PKD2L1: variants seen among roughly 807,000 people sequenced by gnomAD.
PKD2L1 encodes the protein polycystin-2-like protein 1.
In PKD2L1, 77 loss-of-function variants were observed where a neutral mutation model predicts 93.0. The ratio of observed to expected loss-of-function variants is 0.83; its 90% CI spans 0.69 to 1.00. PKD2L1 has a LOEUF of 1.00. Among genes scored for constraint, PKD2L1 ranks in the 50% least tolerant of loss-of-function variants. The pLI, the probability that PKD2L1 is intolerant of heterozygous loss-of-function variation, is 0.00. For synonymous variants in PKD2L1, 390 were observed against 388.0 expected (o/e 1.01, Z -0.06); for missense variants, 977 against 990.9 (o/e 0.99, Z 0.19).
At position 100,318,831 on chromosome 10, in the gene PKD2L1, C is replaced by A. The variant is rs1161813406; in HGVS notation, c.349+10380G>T. On this transcript the variant is annotated intron_variant, in intron 2 of 15. Transcript: ENST00000318222. ...ACCGCACCCAGCCTGTTTTTCTTTTCTTTTTTTCTCTCTCTCTATCTTTTT... is the reference window on the plus strand; with the variant it reads ...ACCGCACCCAGCCTGTTTTTCTTTTATTTTTTTCTCTCTCTCTATCTTTTT... 2.8e-5 allele frequency among the ~76,000 whole-genome samples: 4 copies of A among 140,996 alleles called. No individual in the cohort carries two copies. In the South Asian group the frequency reaches 6.9e-4, roughly 24 times the overall value. The allele number at this position is 140,996 out of a possible 152,430, so 92.5% of individuals were successfully genotyped here.
intron 2 of PKD2L1, among the ~76,000 whole-genome samples, chr10:100,302,332 T>C (rs550308453): frequency 6.6e-6 from 1 of 152,140 alleles, no homozygotes; most frequent in African/African-American, 2.4e-5. Context: ...CTATGGGTTA[T>C]AATTTATTAT....
At chr10:100,325,174 A>G (rs1045854807) in intron 2 of PKD2L1, among the ~76,000 whole-genome samples, 2 of 152,220 alleles carry the variant, frequency 1.3e-5, no homozygotes, top group Non-Finnish European at 2.9e-5. Flanking sequence ...TTGCTTATGT[A>G]CCGTGACTCT....
chr10:100,328,869 C>T lies in PKD2L1; in HGVS notation c.349+342G>A, dbSNP rs531280511. 2.4e-4 allele frequency among the ~76,000 whole-genome samples: 36 copies of T among 152,260 alleles called. No individual in the cohort carries two copies. In the East Asian group the frequency reaches 5.6e-3, roughly 24 times the overall value. ...CCTCCCAAAGTGCTGGGATTACAGG[C>T]GTGAGCCACCGTGCCAGCCCACTCT... On this transcript the variant is annotated intron_variant, in intron 2 of 15. Transcript: ENST00000318222.
Position 100,293,281 on chromosome 10 carries a change from C to G in PKD2L1, c.1758G>C (p.Gln586His). 1 of 1,605,600 alleles carries G rather than the reference C, an allele frequency of 6.2e-7. No individual in the cohort carries two copies. Among genetic ancestry groups the G allele is most frequent in the Non-Finnish European group, 8.5e-7 (1 of 1,172,174 alleles). Residue 586 changes from glutamine to histidine, a missense_variant and splice_region_variant, in exon 10 of 16, where the codon CAG becomes CAC. By Grantham distance (24) the Gln-to-His change is conservative. Transcript: ENST00000318222. ...DELQLSDLLK[Q>H]GYNKTLLRLR... is the part of the protein sequence containing the mutation. ...TAGCTCAAGGAGATTGAGCAATCAC[C>G]TGTTTCAGGAGGTCAGAAAGTTGCA...
rs182776466 is a variant in PKD2L1, at chr10:100,314,436, G to A, written c.350-14718C>T. On this transcript the variant is annotated intron_variant, in intron 2 of 15. Transcript: ENST00000318222. ...GCCTGGGGAGAGAGAAGAGAGAGAA[G>A]GAAGCAGGCACGGGGACAGCCAGTC... Among the ~76,000 whole-genome samples, 16 of 152,094 alleles carry A rather than the reference G, an allele frequency of 1.1e-4. No individual in the cohort carries two copies. The East Asian group carries it at 1.4e-3, about 13-fold the overall frequency.
intron 2 of PKD2L1, among the ~76,000 whole-genome samples, chr10:100,312,283 G>A (rs1035316057): frequency 2.0e-5 from 3 of 152,196 alleles, no homozygotes; most frequent in African/African-American, 4.8e-5. Flanking sequence ...GCATTATTAA[G>A]CTTTTTAGGG....
At chr10:100,323,052 G>A (rs1849297367) in intron 2 of PKD2L1, among the ~76,000 whole-genome samples, 1 of 152,132 alleles carries the variant, frequency 6.6e-6, no homozygotes, top group African/African-American at 2.4e-5. Context: ...ATTCAATAAA[G>A]GTTTGTTGTT....
chr10:100,327,867 C>T (rs973595671), intron 2 of PKD2L1, among the ~76,000 whole-genome samples: 6 of 152,168 alleles, frequency 3.9e-5, no homozygotes, highest in Non-Finnish European at 5.9e-5. Flanking sequence ...GAATGAGTTC[C>T]GATAGAGCAC....
chr10:100,297,948 T>C (rs1378175411), intron 4 of PKD2L1, among the ~76,000 whole-genome samples: 1 of 152,016 alleles, frequency 6.6e-6, no homozygotes, highest in Non-Finnish European at 1.5e-5. Flanking sequence ...ACTCAAAGAT[T>C]TGGATGACAA....
At chr10:100,305,173 G>A (rs1309956195) in intron 2 of PKD2L1, among the ~76,000 whole-genome samples, 9 of 149,222 alleles carry the variant, frequency 6.0e-5, no homozygotes, top group African/African-American at 1.5e-4. Flanking sequence ...GTGCAGTGGC[G>A]TGATCTCAGC....
At chr10:100,309,428 C>A (rs1294881384) in intron 2 of PKD2L1, among the ~76,000 whole-genome samples, 1 of 152,034 alleles carries the variant, frequency 6.6e-6, no homozygotes, top group African/African-American at 2.4e-5. Context: ...CTGTATGTTT[C>A]CAAGTTATAG....
Position 100,290,055 on chromosome 10 carries a change from A to T in PKD2L1, c.2210T>A (p.Met737Lys). The change falls in exon 14 of 16, where the codon ATG becomes AAG. Residue 737 changes from methionine to lysine, a missense_variant. Coordinates refer to ENST00000318222, the MANE Select transcript of PKD2L1 (RefSeq NM_016112.3). ...AGCCAGCCACCCCTTCCTCTCCAGC[A>T]TTTTCAGCTTTGAGCCTACAGCATC... The part of the protein sequence containing the change: ...QIDAVGSKLK[M>K]LERKGWLAPS... 1 of 1,614,178 alleles carries T rather than the reference A, an allele frequency of 6.2e-7. No individual in the cohort carries two copies. The highest frequency in any genetic ancestry group is 1.3e-5 in the African/African-American group (1 of 75,060).
intron 9 of PKD2L1, among the ~76,000 whole-genome samples, chr10:100,294,045 G>A (rs945807609): frequency 2.0e-5 from 3 of 152,144 alleles, no homozygotes; most frequent in African/African-American, 7.2e-5. Flanking sequence ...CTCGGGAGGT[G>A]GAGGTTGCAG....
intron 2 of PKD2L1, among the ~76,000 whole-genome samples, chr10:100,320,795 A>C (rs1849209633): frequency 6.6e-6 from 1 of 152,250 alleles, no homozygotes; most frequent in South Asian, 2.1e-4. Context: ...AATTGATGTG[A>C]TCTTATAGCA....
At chr10:100,311,352 C>T (rs1397195892) in intron 2 of PKD2L1, among the ~76,000 whole-genome samples, 1 of 152,164 alleles carries the variant, frequency 6.6e-6, no homozygotes, top group African/African-American at 2.4e-5. Flanking sequence ...CTATATTTTA[C>T]TGTATCTGCA....
intron 2 of PKD2L1, among the ~76,000 whole-genome samples, chr10:100,324,419 C>G (rs958191600): frequency 6.6e-6 from 1 of 152,204 alleles, no homozygotes; most frequent in African/African-American, 2.4e-5. Context: ...ATCCTCTGTG[C>G]TTTACCTATT....
intron 2 of PKD2L1, among the ~76,000 whole-genome samples, chr10:100,323,111 A>T (rs930781650): frequency 6.6e-6 from 1 of 152,172 alleles, no homozygotes; most frequent in Non-Finnish European, 1.5e-5. Flanking sequence ...TGATAAACTG[A>T]GGGCTTCCAG....
At chr10:100,321,303 C>CA (rs1200110899) in intron 2 of PKD2L1, among the ~76,000 whole-genome samples, 1 of 151,746 alleles carries the variant, frequency 6.6e-6, no homozygotes, top group African/African-American at 2.4e-5. Context: ...ACTAAAAATA[C>CA]AAAAAAATTA....
intron 2 of PKD2L1, among the ~76,000 whole-genome samples, chr10:100,311,930 A>G (rs929445482): frequency 1.3e-5 from 2 of 152,186 alleles, no homozygotes; most frequent in African/African-American, 4.8e-5. Context: ...AGAAGCATTA[A>G]GGATGCTTCT....
Sources: gnomAD v4.1 joint callset for allele counts (sites outside exome capture counted in the v4.1 genomes callset) on GRCh38, gnomAD v4.1.1 for gene constraint, MANE v1.5 for transcripts, NCBI Gene and HGNC (gene_info 2026-07-23, HGNC 2026-07-21) for gene names.